The following PLXDC2 variants were observed in gnomAD, a reference collection of about 807,000 sequenced individuals.
The protein encoded by PLXDC2 is plexin domain-containing protein 2.
PLXDC2 carries 40 observed loss-of-function variants against 68.9 expected under a neutral mutation model. The ratio of observed to expected loss-of-function variants is 0.58; its 90% CI spans 0.45 to 0.76. The LOEUF (loss-of-function observed/expected upper bound fraction) is 0.76, where lower values mean the gene tolerates loss of function less well. Among genes scored for constraint, PLXDC2 ranks in the 30% least tolerant of loss-of-function variants. PLXDC2 has a pLI of 0.00. For synonymous variants in PLXDC2, 243 were observed against 234.2 expected, an observed-to-expected ratio of 1.04 and a Z score of -0.34; for missense variants, 644 against 661.9, an observed-to-expected ratio of 0.97 and a Z score of 0.30.
Position 19,841,106 on chromosome 10 carries a change from A to G in PLXDC2, c.112+23915A>G, listed in dbSNP as rs181047524. Among the ~76,000 whole-genome samples, 545 of 152,296 alleles carry G rather than the reference A, an allele frequency of 3.6e-3. 5 individuals are homozygous for G. Among genetic ancestry groups the G allele is most frequent in the Non-Finnish European group, 3.4e-3 (229 of 68,014 alleles). Reference sequence around the variant, plus strand: ...TTTTTGATTAGCCGAACCATGGAACATCAGTGTTCGAATCCTTCTCTTCAA... The same window carrying G: ...TTTTTGATTAGCCGAACCATGGAACGTCAGTGTTCGAATCCTTCTCTTCAA... On this transcript the variant is annotated intron_variant, in intron 1 of 13. Transcript: ENST00000377252.
intron 1 of PLXDC2, among the ~76,000 whole-genome samples, chr10:19,976,528 CTT>C (rs1402951888): frequency 6.6e-6 from 1 of 152,050 alleles, no homozygotes; most frequent in East Asian, 1.9e-4. Flanking sequence ...TCATTTTAAT[CTT>C]TGGTGTGAGA....
intron 3 of PLXDC2, among the ~76,000 whole-genome samples, chr10:20,054,473 GGATA>G (rs1835960249): frequency 6.6e-6 from 1 of 151,944 alleles, no homozygotes; most frequent in African/African-American, 2.4e-5. Flanking sequence ...TATAGGTATA[GGATA>G]GATGGATGGG....
intron 4 of PLXDC2, among the ~76,000 whole-genome samples, chr10:20,140,018 C>T (rs1001023347): frequency 5.3e-5 from 8 of 151,970 alleles, no homozygotes; most frequent in African/African-American, 1.2e-4. Flanking sequence ...AAAATTAAAA[C>T]GGCCAGGCGT....
chr10:20,229,239 C>T (rs1835327573), intron 12 of PLXDC2, among the ~76,000 whole-genome samples: 1 of 152,000 alleles, frequency 6.6e-6, no homozygotes, highest in Non-Finnish European at 1.5e-5. Context: ...TCTAAGATTG[C>T]TCTTTTCTCC....
intron 12 of PLXDC2, among the ~76,000 whole-genome samples, chr10:20,228,034 T>A (rs772620111): frequency 6.6e-6 from 1 of 152,112 alleles, no homozygotes; most frequent in African/African-American, 2.4e-5. Flanking sequence ...GTTATCTGGG[T>A]GGACAGTGGT....
At chr10:20,108,535 A>G (rs1182726117) in intron 4 of PLXDC2, among the ~76,000 whole-genome samples, 2 of 152,180 alleles carry the variant, frequency 1.3e-5, no homozygotes, top group Non-Finnish European at 2.9e-5. Context: ...AGATGAGAAA[A>G]TTGTTAGTGG....
chr10:20,059,186 T>C (rs1836055526), intron 3 of PLXDC2, among the ~76,000 whole-genome samples: 1 of 152,162 alleles, frequency 6.6e-6, no homozygotes, highest in Admixed American at 6.5e-5. Flanking sequence ...CTAGAAGCAA[T>C]TTCTTCTGGC....
chr10:20,113,676 G>A (rs77437776), intron 4 of PLXDC2, among the ~76,000 whole-genome samples: 4,275 of 152,122 alleles, frequency 0.028, 77 homozygotes, highest in South Asian at 0.067. Flanking sequence ...TAGATAATGT[G>A]GAAAACACTA....
chr10:20,268,093 C>T (rs1055179386), intron 13 of PLXDC2, among the ~76,000 whole-genome samples: 1 of 152,130 alleles, frequency 6.6e-6, no homozygotes, highest in African/African-American at 2.4e-5. Flanking sequence ...AATATAATTA[C>T]AAATGTATCT....
intron 13 of PLXDC2, among the ~76,000 whole-genome samples, chr10:20,271,445 T>A (rs1167786645): frequency 2.0e-5 from 3 of 152,202 alleles, no homozygotes; most frequent in Admixed American, 6.5e-5. Flanking sequence ...CGCTTTTTCC[T>A]GATGTTTGGT....
chr10:19,937,544 GTATATATATATATATATATATA>G lies in PLXDC2; in HGVS notation c.113-64213_113-64192del, dbSNP rs71388881. 3.3e-4 allele frequency among the ~76,000 whole-genome samples: 32 copies of G among 95,982 alleles called. 1 individual carries two copies. The highest frequency in any genetic ancestry group is 2.3e-3 in the Admixed American group (20 of 8,608). The allele number at this position is 95,982 out of a possible 152,430, so 63.0% of individuals were successfully genotyped here. On this transcript the variant is annotated intron_variant, in intron 1 of 13. Transcript: ENST00000377252. ...GAATACATATCACATTATAGTCAAT[GTATATATATATATATATATATA>G]TATATATATATATATATTTGCAACT... is the stretch of plus-strand genomic sequence containing the variant.
intron 6 of PLXDC2, among the ~76,000 whole-genome samples, chr10:20,151,597 T>C (rs16919961): frequency 0.2 from 30,216 of 152,034 alleles, 3,734 homozygotes; most frequent in East Asian, 0.39. Flanking sequence ...TGTAAAACAA[T>C]TCACAAATCT....
chr10:20,081,079 A>T (rs1164515275), intron 4 of PLXDC2, among the ~76,000 whole-genome samples: 2 of 152,130 alleles, frequency 1.3e-5, no homozygotes. Context: ...GGAGCAAGGG[A>T]AGAGTAATCA....
chr10:19,834,172 A>G (rs183371512), intron 1 of PLXDC2, among the ~76,000 whole-genome samples: 1 of 152,300 alleles, frequency 6.6e-6, no homozygotes, highest in Non-Finnish European at 1.5e-5. Flanking sequence ...TGCAAGGAGG[A>G]GGAATGGTCA....
chr10:19,852,870 TG>T (rs1837148416), intron 1 of PLXDC2, among the ~76,000 whole-genome samples: 1 of 152,240 alleles, frequency 6.6e-6, no homozygotes, highest in South Asian at 2.1e-4. Flanking sequence ...AAATATTTTT[TG>T]ATCTCTTCAA....
chr10:20,183,432 A>G (rs1834634274), intron 9 of PLXDC2, among the ~76,000 whole-genome samples: 1 of 151,974 alleles, frequency 6.6e-6, no homozygotes, highest in African/African-American at 2.4e-5. Context: ...TTGGATAGAC[A>G]TAGAAAACCT....
At chr10:19,855,268 A>T (rs1038491729) in intron 1 of PLXDC2, among the ~76,000 whole-genome samples, 1 of 152,300 alleles carries the variant, frequency 6.6e-6, no homozygotes, top group Admixed American at 6.5e-5. Flanking sequence ...TATCAGAGGT[A>T]CCAGGCCCAT....
At chr10:19,995,557 G>A (rs536871080) in intron 1 of PLXDC2, among the ~76,000 whole-genome samples, 16 of 152,142 alleles carry the variant, frequency 1.1e-4, no homozygotes, top group Non-Finnish European at 2.1e-4. Context: ...TTGTTTGTCC[G>A]GTTTAGGCAC....
chr10:19,983,874 G>C (rs1207812348), intron 1 of PLXDC2, among the ~76,000 whole-genome samples: 1 of 152,086 alleles, frequency 6.6e-6, no homozygotes, highest in African/African-American at 2.4e-5. Context: ...TGAGTCCTGG[G>C]CATGTGGGAG....
Sources: gnomAD v4.1 joint callset for allele counts (sites outside exome capture counted in the v4.1 genomes callset) on GRCh38, gnomAD v4.1.1 for gene constraint, MANE v1.5 for transcripts, NCBI Gene and HGNC (gene_info 2026-07-23, HGNC 2026-07-21) for gene names.